The following COL18A1 variants were observed in gnomAD, a reference collection of about 807,000 sequenced individuals.
COL18A1 encodes collagen alpha-1(XVIII) chain.
Under a neutral mutation model 168.0 loss-of-function variants are expected in COL18A1, and 133 were observed. That is an observed-to-expected ratio of 0.79 (90% CI 0.69 to 0.91). COL18A1 has a LOEUF of 0.91. COL18A1 is among the 40% of genes least tolerant of loss of function. The probability of loss-of-function intolerance (pLI) is 0.00; values close to 1 mark genes in which losing one functional copy is unlikely to be tolerated. For synonymous variants in COL18A1, 949 were observed against 809.0 expected (o/e 1.17, Z -2.94); for missense variants, 2,126 against 1,925.4 (o/e 1.10, Z -1.95).
intron 2 of COL18A1, among the ~76,000 whole-genome samples, chr21:45,413,392 AACACCT>A (rs2033354991): frequency 1.3e-5 from 2 of 152,322 alleles, no homozygotes; most frequent in African/African-American, 2.4e-5. Context: ...GGACCCAGGG[AACACCT>A]GTCTCCTCCA....
In COL18A1 at chr21:45,471,712, C is replaced by CATTTCCAGCTGTGTCCTG. The variant is rs900819684; in HGVS notation, c.652-2138_652-2121dup. On this transcript the variant is annotated intron_variant, in intron 3 of 41. Transcript: ENST00000651438. The surrounding 1 kb of genome is among the most constrained non-coding windows in gnomAD (Gnocchi z 4.4). The stretch of plus-strand genomic sequence containing the variant: ...CAGCTGCTGCCGTTGCCTTGAACGT[C>CATTTCCAGCTGTGTCCTG]ATTTCCAGCTGTGTCCTGATTTCCA... Among the ~76,000 whole-genome samples the CATTTCCAGCTGTGTCCTG allele has an allele frequency of 5.6e-4, 86 of 152,258 alleles. 2 individuals are homozygous for CATTTCCAGCTGTGTCCTG. The highest frequency in any genetic ancestry group is 8.7e-4 in the African/African-American group (36 of 41,534).
intron 38 of COL18A1, among the ~76,000 whole-genome samples, chr21:45,508,269 T>G (rs375585700): frequency 9.1e-4 from 126 of 138,744 alleles, no homozygotes; most frequent in Middle Eastern, 4.6e-3. Flanking sequence ...GGTGGGTGAG[T>G]GGATGGGTAG....
At chr21:45,504,637 C>G (rs970770969) in intron 34 of COL18A1, 81 bp downstream of exon 34, 1 of 1,295,752 alleles carries the variant, frequency 7.7e-7, no homozygotes, top group East Asian at 2.5e-5. Flanking sequence ...GCCCGGCCTT[C>G]GACACCCGCG....
At chr21:45,474,406 GTGTC>G (rs934941111) in intron 4 of COL18A1, among the ~76,000 whole-genome samples, 16 of 149,836 alleles carry the variant, frequency 1.1e-4, no homozygotes, top group South Asian at 4.2e-4. Flanking sequence ...TGTCTCTGGT[GTGTC>G]TGTCTTGTGT....
chr21:45,508,938 G>C (rs2037410723), intron 38 of COL18A1, among the ~76,000 whole-genome samples: 1 of 152,160 alleles, frequency 6.6e-6, no homozygotes, highest in South Asian at 2.1e-4. Flanking sequence ...CCGGACTGGG[G>C]TGCAGGCCTG....
intron 18 of COL18A1, among the ~76,000 whole-genome samples, chr21:45,488,867 C>T (rs1183671614): frequency 3.3e-5 from 5 of 152,104 alleles, no homozygotes; most frequent in Non-Finnish European, 7.4e-5. Flanking sequence ...TCCCCCCATC[C>T]CTGGGGGACA....
At chr21:45,418,681 G>A (rs1294434083) in intron 2 of COL18A1, among the ~76,000 whole-genome samples, 2 of 152,160 alleles carry the variant, frequency 1.3e-5, no homozygotes, top group Admixed American at 6.5e-5. Flanking sequence ...GGGTCTCAGG[G>A]AAGCGGCACC....
intron 2 of COL18A1, among the ~76,000 whole-genome samples, chr21:45,445,876 T>A (rs2145828658): frequency 6.6e-6 from 1 of 152,330 alleles, no homozygotes; most frequent in Middle Eastern, 3.4e-3. Context: ...TTCGCAAATA[T>A]CTTCTCCCAT....
intron 4 of COL18A1, among the ~76,000 whole-genome samples, chr21:45,474,548 GTGTCTCTGTGTC>G (rs2035569866): frequency 6.6e-6 from 1 of 151,864 alleles, no homozygotes; most frequent in Non-Finnish European, 1.5e-5. Flanking sequence ...CATGGTGCGT[GTGTCTCTGTGTC>G]TGTGTCTGTG....
In COL18A1 at chr21:45,423,316, C is replaced by T. The variant is rs999929646; in HGVS notation, c.106+17843C>T. On this transcript the variant is annotated intron_variant, in intron 2 of 41. Coordinates refer to ENST00000651438, the MANE Select transcript of COL18A1 (RefSeq NM_001379500.1). The surrounding 1 kb of genome is among the most constrained non-coding windows in gnomAD (Gnocchi z 4.0). ...AGTGTTGGCTGGTCCACTTCCTGAG[C>T]GTTGGCCAGCTGCCCTTGCTGTGCT... is the stretch of plus-strand genomic sequence containing the variant. Among the ~76,000 whole-genome samples the T allele has an allele frequency of 9.2e-5, 14 of 152,188 alleles. No individual in the cohort carries two copies. Among genetic ancestry groups the T allele is most frequent in the South Asian group, 6.2e-4 (3 of 4,832 alleles).
chr21:45,411,778 A>AGGGGGGGGGGGGGGGGG (rs1569273645), intron 2 of COL18A1, among the ~76,000 whole-genome samples: 12 of 108,306 alleles, frequency 1.1e-4, no homozygotes, highest in East Asian at 7.8e-4. Context: ...GGGGGGGGGC[A>AGGGGGGGGGGGGGGGGG]GGCTGTGGTC....
At chr21:45,506,173 G>C (rs889842394) in intron 37 of COL18A1, 1 of 673,906 alleles carries the variant, frequency 1.5e-6, no homozygotes, top group South Asian at 1.8e-5. Flanking sequence ...TCAAGCTTCT[G>C]AAAGTGGATG....
At chr21:45,484,093 ACC>A (rs2035999622) in intron 15 of COL18A1, among the ~76,000 whole-genome samples, 1 of 136,890 alleles carries the variant, frequency 7.3e-6, no homozygotes, top group Non-Finnish European at 1.5e-5. Context: ...ACACACACAC[ACC>A]TCTCCAGCAT....
At chr21:45,444,538 G>A (rs1486449825) in intron 2 of COL18A1, among the ~76,000 whole-genome samples, 3 of 152,166 alleles carry the variant, frequency 2.0e-5, no homozygotes, top group Non-Finnish European at 2.9e-5. Flanking sequence ...ATGGAGGGTG[G>A]TTCCACAGTG....
intron 2 of COL18A1, among the ~76,000 whole-genome samples, chr21:45,428,756 A>G (rs1358129503): frequency 2.6e-5 from 4 of 152,132 alleles, no homozygotes; most frequent in African/African-American, 7.2e-5. Context: ...TCACGTTTCC[A>G]GGTACGTCGT....
In COL18A1 at chr21:45,505,375, C is replaced by G; in HGVS notation, c.3031C>G (p.Pro1011Ala). The change falls in exon 36 of 42, where the codon CCT becomes GCT. Residue 1011 changes from proline (P) to alanine (A), a missense_variant. Transcript: ENST00000651438. The stretch of plus-strand genomic sequence containing the variant: ...TCCTGCAGCTATCAGCGTTCCCGGC[C>G]CTCCGGGCCCCCCTGGGCCCCCTGG... ...PHRQTISVPG[P>A]PGPPGPPGPP... 6.3e-7 allele frequency: 1 copy of G among 1,593,756 alleles called. No homozygotes were observed. The highest frequency in any genetic ancestry group is 8.6e-7 in the Non-Finnish European group (1 of 1,164,470).
chr21:45,418,821 G>A (rs562370842), intron 2 of COL18A1, among the ~76,000 whole-genome samples: 1 of 146,048 alleles, frequency 6.8e-6, no homozygotes, highest in East Asian at 2.0e-4. Flanking sequence ...CCGACCTCCT[G>A]TGCCTGCGGC....
intron 3 of COL18A1, among the ~76,000 whole-genome samples, chr21:45,469,963 C>T (rs2035352803): frequency 6.6e-6 from 1 of 152,160 alleles, no homozygotes; most frequent in Non-Finnish European, 1.5e-5. Flanking sequence ...GAGTCACCCC[C>T]TCCAGTGAGA....
intron 13 of COL18A1, among the ~76,000 whole-genome samples, chr21:45,481,194 C>T (rs368454408): frequency 2.0e-5 from 3 of 152,192 alleles, no homozygotes; most frequent in East Asian, 3.8e-4. Context: ...CCGAGGTCAG[C>T]ATTGCTGGAG....
Sources: gnomAD v4.1 joint callset for allele counts (sites outside exome capture counted in the v4.1 genomes callset) on GRCh38, gnomAD v4.1.1 for gene constraint, Gnocchi (gnomAD v3.1) non-coding constraint, MANE v1.5 for transcripts, NCBI Gene and HGNC (gene_info 2026-07-23, HGNC 2026-07-21) for gene names.